PTPRQ: variants seen among roughly 807,000 people sequenced by gnomAD.
PTPRQ encodes phosphatidylinositol phosphatase PTPRQ.
PTPRQ carries 199 observed loss-of-function variants against 246.0 expected under a neutral mutation model. The observed-to-expected ratio is 0.81, with a 90% CI of 0.72 to 0.91. The LOEUF (loss-of-function observed/expected upper bound fraction) is 0.91, where lower values mean the gene tolerates loss of function less well. PTPRQ is among the 40% of genes least tolerant of loss of function. The pLI, the probability that PTPRQ is intolerant of heterozygous loss-of-function variation, is 0.00. For synonymous variants in PTPRQ, 869 were observed against 853.2 expected (o/e 1.02, Z -0.32); for missense variants, 2,624 against 2,528.4 (o/e 1.04, Z -0.81).
chr12:80,476,438 A>G (rs144384135), intron 8 of PTPRQ, among the ~76,000 whole-genome samples: 2 of 152,248 alleles, frequency 1.3e-5, no homozygotes, highest in Non-Finnish European at 2.9e-5. Context: ...CATATGATCA[A>G]TGCTCAGTGT....
At chr12:80,482,236 C>G (rs1279467900) in intron 8 of PTPRQ, among the ~76,000 whole-genome samples, 1 of 149,928 alleles carries the variant, frequency 6.7e-6, no homozygotes, top group African/African-American at 2.5e-5. Flanking sequence ...CTACAACTAT[C>G]TGATCTTTGA....
At chr12:80,574,021 G>GT (rs1011514948) in intron 25 of PTPRQ, among the ~76,000 whole-genome samples, 2 of 151,914 alleles carry the variant, frequency 1.3e-5, no homozygotes, top group Non-Finnish European at 1.5e-5. Flanking sequence ...ACGATTGTGG[G>GT]TTTTTTTCTT....
rs1029207439 is a variant in PTPRQ, at chr12:80,592,195, A to G, written c.4609+3743A>G. 2.6e-5 allele frequency among the ~76,000 whole-genome samples: 4 copies of G among 152,212 alleles called. No individual in the cohort carries two copies. In the East Asian group the frequency reaches 5.8e-4, roughly 22 times the overall value. ...AAGATGAAAAGATTTATATTTTTCA[A>G]CTTCGTGATAACAAACATATGATTG... On this transcript the variant is annotated intron_variant, in intron 26 of 44. Coordinates refer to ENST00000644991, the MANE Select transcript of PTPRQ (RefSeq NM_001145026.2).
At chr12:80,553,455 T>C (rs1429501566) in intron 25 of PTPRQ, among the ~76,000 whole-genome samples, 1 of 152,174 alleles carries the variant, frequency 6.6e-6, no homozygotes, top group Non-Finnish European at 1.5e-5. Flanking sequence ...TGTTGCATAC[T>C]TCTAATTTAT....
At position 80,478,132 on chromosome 12, in the gene PTPRQ, C is replaced by G. The variant is rs560015003; in HGVS notation, c.1186+5881C>G. On this transcript the variant is annotated intron_variant, in intron 8 of 44. Transcript: ENST00000644991. ...CCTCTGCAGACTTAAATGTCCCTGT[C>G]TGACAGCTTTGAGGAGAGCAGTGGT... 4.2e-4 allele frequency among the ~76,000 whole-genome samples: 63 copies of G among 150,716 alleles called. 1 individual carries two copies. Among genetic ancestry groups the G allele is most frequent in the Admixed American group, 3.4e-3 (51 of 15,162 alleles).
Position 80,510,369 on chromosome 12 carries a change from T to G in PTPRQ, c.2604T>G (p.Gly868=). Residue 868 remains glycine (G), a synonymous_variant, in exon 17 of 45, where the codon GGT becomes GGG. Transcript: ENST00000644991. The part of the protein sequence containing the change: ...PQDFSVKQLS[G]VTVKLSWQPP... ...ACTTCTCTGTAAAACAGTTGTCTGG[T>G]GTCACGGTGAAGTTGTCATGGCAAC... 6.4e-7 allele frequency: 1 copy of G among 1,550,542 alleles called. No individual in the cohort carries two copies. Among genetic ancestry groups the G allele is most frequent in the South Asian group, 1.2e-5 (1 of 83,966 alleles).
chr12:80,592,918 G>A (rs1036612753), intron 26 of PTPRQ, among the ~76,000 whole-genome samples: 2 of 152,214 alleles, frequency 1.3e-5, no homozygotes, highest in Non-Finnish European at 2.9e-5. Flanking sequence ...GGCTGAGGGA[G>A]GAGAATTGCT....
At chr12:80,501,094 T>C (rs1029875435) in intron 14 of PTPRQ, among the ~76,000 whole-genome samples, 37 of 151,572 alleles carry the variant, frequency 2.4e-4, no homozygotes, top group Admixed American at 6.6e-4. Flanking sequence ...AGGAAAAAAA[T>C]TGTGGAGTTG....
Position 80,572,971 on chromosome 12 carries a change from T to C in PTPRQ, c.4286-15158T>C, listed in dbSNP as rs191223531. Among the ~76,000 whole-genome samples, 9 of 152,310 alleles carry C rather than the reference T, an allele frequency of 5.9e-5. No homozygotes were observed. The East Asian group carries it at 1.7e-3, about 29-fold the overall frequency. On this transcript the variant is annotated intron_variant, in intron 25 of 44. Coordinates refer to ENST00000644991, the MANE Select transcript of PTPRQ (RefSeq NM_001145026.2). ...ATTGGTCTATAATTTTCTTTTATTATAACATTTTTTCTCAGATATTTACAT... is the reference window on the plus strand; with the variant it reads ...ATTGGTCTATAATTTTCTTTTATTACAACATTTTTTCTCAGATATTTACAT...
chr12:80,626,418 A>T (rs887768849), intron 33 of PTPRQ, among the ~76,000 whole-genome samples: 1 of 152,198 alleles, frequency 6.6e-6, no homozygotes, highest in Non-Finnish European at 1.5e-5. Flanking sequence ...TCAGATGAAT[A>T]AAATGGATGA....
chr12:80,532,636 T>C (rs1441814806), intron 17 of PTPRQ, among the ~76,000 whole-genome samples: 1 of 152,184 alleles, frequency 6.6e-6, no homozygotes, highest in African/African-American at 2.4e-5. Flanking sequence ...GCATCTTTTC[T>C]GGCGACTAAT....
At position 80,679,235 on chromosome 12, in the gene PTPRQ, G is replaced by A; in HGVS notation, c.*212G>A. On this transcript the variant is annotated 3_prime_UTR_variant, in exon 45 of 45. Transcript: ENST00000644991. ...TTGTTTTGTACAGAATAAATATTATGCATTTTAAATGCTTAAGAAAAGACA... is the reference window on the plus strand; with the variant it reads ...TTGTTTTGTACAGAATAAATATTATACATTTTAAATGCTTAAGAAAAGACA... The A allele has an allele frequency of 2.1e-6, 1 of 467,040 alleles. No homozygotes were observed. The highest frequency in any genetic ancestry group is 3.4e-6 in the Non-Finnish European group (1 of 295,422). 28.9% of individuals were successfully genotyped at this position (467,040 alleles called of 1,614,324 possible).
At chr12:80,510,222 C>A in intron 16 of PTPRQ, 101 bp from the exon 17 acceptor site, 1 of 1,213,778 alleles carries the variant, frequency 8.2e-7, no homozygotes, top group Non-Finnish European at 1.1e-6. Context: ...AACCTAATTC[C>A]TTTACCAGAA....
chr12:80,523,614 C>T (rs1298616686), intron 17 of PTPRQ, among the ~76,000 whole-genome samples: 1 of 152,172 alleles, frequency 6.6e-6, no homozygotes, highest in Non-Finnish European at 1.5e-5. Context: ...GCCTTCATTT[C>T]ATTATGTACC....
intron 12 of PTPRQ, 107 bp downstream of exon 12, chr12:80,495,478 A>G (rs1371411098): frequency 6.8e-5 from 90 of 1,317,358 alleles, no homozygotes; most frequent in Admixed American, 1.8e-4. Context: ...AACACATGCT[A>G]TGTCACTTCA....
intron 26 of PTPRQ, among the ~76,000 whole-genome samples, chr12:80,596,033 C>A (rs1218205568): frequency 1.3e-5 from 2 of 151,756 alleles, no homozygotes; most frequent in Non-Finnish European, 2.9e-5. Flanking sequence ...ATTGGAGAAG[C>A]ATTAAAAATA....
rs925919286 is a variant in PTPRQ at position 80,678,635 on chromosome 12, G to T, written c.6772G>T (p.Asp2258Tyr). The T allele has an allele frequency of 4.5e-5, 69 of 1,550,064 alleles. No individual in the cohort carries two copies. The highest frequency in any genetic ancestry group is 7.9e-5 in the Admixed American group (4 of 50,878). ...TATCTTTTTACACCAGTGCATTCTG[G>T]ATCTCTTATCAAATAAGGGAAGTAA... ...QYIFLHQCILDLLSNKGSNQP... is the reference protein window; with the variant it reads ...QYIFLHQCILYLLSNKGSNQP... The change falls in exon 44 of 45, where the codon GAT becomes TAT. Residue 2258 changes from aspartate (D) to tyrosine (Y), a missense_variant. Physicochemically the swap from Asp to Tyr is radical, Grantham distance 160 (BLOSUM62 -3). Coordinates refer to ENST00000644991, the MANE Select transcript of PTPRQ (RefSeq NM_001145026.2).
chr12:80,545,220 G>A lies in PTPRQ; in HGVS notation c.3874-1336G>A, dbSNP rs528897308. On this transcript the variant is annotated intron_variant, in intron 23 of 44. Coordinates refer to ENST00000644991, the MANE Select transcript of PTPRQ (RefSeq NM_001145026.2). ...AAAATTCCTTGATGGCAGGGACCAT[G>A]CCTTACATGTGTCTATAATCTCCAG... Among the ~76,000 whole-genome samples, 15 of 152,188 alleles carry A rather than the reference G, an allele frequency of 9.9e-5. No homozygotes were observed. In the South Asian group the frequency reaches 3.1e-3, roughly 32 times the overall value.
intron 41 of PTPRQ, 105 bp from the exon 42 acceptor site, chr12:80,670,239 T>C: frequency 6.8e-7 from 1 of 1,460,654 alleles, no homozygotes; most frequent in Non-Finnish European, 9.2e-7. Context: ...GTTTGGTAAA[T>C]AGTCATTTTT....
Sources: gnomAD v4.1 joint callset for allele counts (sites outside exome capture counted in the v4.1 genomes callset) on GRCh38, gnomAD v4.1.1 for gene constraint, MANE v1.5 for transcripts, NCBI Gene and HGNC (gene_info 2026-07-23, HGNC 2026-07-21) for gene names.